The following BMPER variants were observed in gnomAD, a reference collection of about 807,000 sequenced individuals.
The protein encoded by BMPER is BMP-binding endothelial regulator protein.
In BMPER, 45 loss-of-function variants were observed where a neutral mutation model predicts 87.3. The observed-to-expected ratio is 0.52, with a 90% CI of 0.41 to 0.66. The LOEUF is 0.66. Ranked by LOEUF, BMPER falls within the 30% of genes least tolerant of loss-of-function variation. The pLI is 0.00. For missense variants in BMPER, 784 were observed against 867.5 expected (o/e 0.90, Z 1.21); for synonymous variants, 326 against 316.2 (o/e 1.03, Z -0.33).
intron 3 of BMPER, among the ~76,000 whole-genome samples, chr7:33,963,466 T>G (rs186307277): frequency 4.6e-5 from 7 of 152,214 alleles, no homozygotes; most frequent in African/African-American, 1.7e-4. Flanking sequence ...TTTTATTATA[T>G]TTTATAAAAG....
intron 7 of BMPER, among the ~76,000 whole-genome samples, chr7:34,046,933 T>C (rs963580599): frequency 7.2e-5 from 11 of 151,752 alleles, no homozygotes; most frequent in Non-Finnish European, 1.6e-4. Context: ...TTTATTTTTT[T>C]TTTTTTCTCA....
chr7:34,025,987 G>A (rs1356435110), intron 6 of BMPER, among the ~76,000 whole-genome samples: 1 of 152,064 alleles, frequency 6.6e-6, no homozygotes, highest in Non-Finnish European at 1.5e-5. Context: ...CTGTGGTCAG[G>A]AGCTGTCAGG....
chr7:33,962,279 A>G (rs1785291328), intron 3 of BMPER, among the ~76,000 whole-genome samples: 1 of 152,206 alleles, frequency 6.6e-6, no homozygotes, highest in African/African-American at 2.4e-5. Flanking sequence ...GAATGTTAGG[A>G]CAAATACTCT....
chr7:33,992,895 A>G, intron 6 of BMPER, among the ~76,000 whole-genome samples: 1 of 138,948 alleles, frequency 7.2e-6, no homozygotes, highest in African/African-American at 2.7e-5. Flanking sequence ...TTGGCTGGAT[A>G]TGAAATTCTG....
chr7:34,029,058 T>C (rs1413485089), intron 6 of BMPER, among the ~76,000 whole-genome samples: 1 of 152,046 alleles, frequency 6.6e-6, no homozygotes, highest in Non-Finnish European at 1.5e-5. Flanking sequence ...GAAAAGTACA[T>C]GCTGAGATTT....
At position 33,922,025 on chromosome 7, in the gene BMPER, G is replaced by A. The variant is rs532512719; in HGVS notation, c.219+15122G>A. ...CTCGTGCAGAATAAAGCCATTCTGG[G>A]AAATTTTAGTTTTCTTCTCTCCCTT... On this transcript the variant is annotated intron_variant, in intron 2 of 14. Transcript: ENST00000649409. 643 of 339,468 alleles carry A rather than the reference G, an allele frequency of 1.9e-3. 2 individuals are homozygous for A. The highest frequency in any genetic ancestry group is 2.2e-3 in the Non-Finnish European group (371 of 168,652). The allele number at this position is 339,468 out of a possible 1,614,324, so 21.0% of individuals were successfully genotyped here.
At chr7:33,923,158 T>A (rs890314295) in intron 2 of BMPER, among the ~76,000 whole-genome samples, 11 of 152,194 alleles carry the variant, frequency 7.2e-5, no homozygotes, top group African/African-American at 2.2e-4. Context: ...TTGAGCCACA[T>A]TTTTTGGCAT....
At chr7:34,058,262 C>T in intron 10 of BMPER, 99 bp downstream of exon 10, 4 of 1,130,318 alleles carry the variant, frequency 3.5e-6, no homozygotes, top group Non-Finnish European at 5.3e-6. Flanking sequence ...ACTCCAGCTC[C>T]CCCAAAGCCT....
chr7:34,067,893 A>G (rs969788313), intron 11 of BMPER, among the ~76,000 whole-genome samples: 1 of 152,242 alleles, frequency 6.6e-6, no homozygotes, highest in African/African-American at 2.4e-5. Flanking sequence ...AAATTAGTAC[A>G]GAGTTGAAGG....
chr7:33,982,239 A>G (rs1785883091), intron 6 of BMPER, among the ~76,000 whole-genome samples: 1 of 152,192 alleles, frequency 6.6e-6, no homozygotes, highest in African/African-American at 2.4e-5. Flanking sequence ...TTGCAATAAT[A>G]TGTGCAATTT....
At chr7:34,082,947 CT>C (rs1442029352) in intron 12 of BMPER, among the ~76,000 whole-genome samples, 2 of 152,150 alleles carry the variant, frequency 1.3e-5, no homozygotes, top group Non-Finnish European at 2.9e-5. Flanking sequence ...ATTTTCTCCC[CT>C]CATTTCTCTT....
intron 6 of BMPER, among the ~76,000 whole-genome samples, chr7:34,005,889 T>C (rs1027186860): frequency 3.3e-5 from 5 of 152,086 alleles, no homozygotes; most frequent in African/African-American, 1.2e-4. Context: ...AAATCTTTCC[T>C]TGTGTTCTTA....
intron 2 of BMPER, among the ~76,000 whole-genome samples, chr7:33,920,712 A>G (rs1327254083): frequency 6.6e-6 from 1 of 152,098 alleles, no homozygotes; most frequent in Non-Finnish European, 1.5e-5. Flanking sequence ...GGCGTGAGCC[A>G]TCGCACCTGG....
chr7:34,114,291 T>A (rs867336594), intron 13 of BMPER, among the ~76,000 whole-genome samples: 3 of 152,198 alleles, frequency 2.0e-5, no homozygotes, highest in African/African-American at 7.2e-5. Context: ...CCGGTCTACT[T>A]TTTGGCCCTG....
intron 10 of BMPER, among the ~76,000 whole-genome samples, chr7:34,059,176 A>G (rs1311786878): frequency 6.6e-6 from 1 of 152,194 alleles, no homozygotes; most frequent in Non-Finnish European, 1.5e-5. Context: ...GGATCACATC[A>G]TTATGCCAGT....
intron 3 of BMPER, among the ~76,000 whole-genome samples, chr7:33,949,371 A>G (rs1784966275): frequency 6.6e-6 from 1 of 152,074 alleles, no homozygotes. Context: ...CCTGGAGACA[A>G]TCTTTGTACC....
At chr7:33,958,814 A>G (rs1318802699) in intron 3 of BMPER, among the ~76,000 whole-genome samples, 1 of 152,156 alleles carries the variant, frequency 6.6e-6, no homozygotes, top group East Asian at 1.9e-4. Flanking sequence ...TATGTGTTCT[A>G]TAGTGCTAAT....
chr7:34,051,154 T>G (rs1788138357), intron 7 of BMPER, among the ~76,000 whole-genome samples: 1 of 152,186 alleles, frequency 6.6e-6, no homozygotes, highest in Non-Finnish European at 1.5e-5. Flanking sequence ...GAGCCTCTTT[T>G]ATAAGGGCAC....
intron 5 of BMPER, among the ~76,000 whole-genome samples, chr7:33,970,874 A>C (rs1208507006): frequency 1.3e-5 from 2 of 152,108 alleles, no homozygotes; most frequent in African/African-American, 2.4e-5. Context: ...GTGGTTCAAC[A>C]AGGTGGACCC....
Sources: allele counts gnomAD v4.1 joint callset (sites outside exome capture counted in the v4.1 genomes callset), GRCh38; gene constraint gnomAD v4.1.1; transcripts MANE v1.5; gene names NCBI Gene and HGNC (gene_info 2026-07-23, HGNC 2026-07-21).